Variants in MAP1LC3B2 observed in about 807,000 individuals in gnomAD.
The protein encoded by MAP1LC3B2 is microtubule-associated protein 1 light chain 3 beta 2.
For missense variants in MAP1LC3B2, 155 were observed against 154.6 expected, an observed-to-expected ratio of 1.00 and a Z score of -0.01; for synonymous variants, 62 against 57.8, an observed-to-expected ratio of 1.07 and a Z score of -0.33.
chr12:116,559,904 A>G (rs894373954), intron 1 of MAP1LC3B2: 4 of 152,030 alleles, frequency 2.6e-5, no homozygotes, highest in African/African-American at 9.7e-5. Context: ...CTTGACGGTT[A>G]CTGCTCCAGT....
intron 1 of MAP1LC3B2, chr12:116,560,191 T>TATATATATATACATATAC (rs1869219157): frequency 9.6e-4 from 1 of 1,038 alleles, no homozygotes; most frequent in African/African-American, 2.3e-3. Context: ...AGTTTGGCTA[T>TATATATATATACATATAC]ATATATATAT....
intron 1 of MAP1LC3B2, among the ~76,000 whole-genome samples, chr12:116,567,267 T>C (rs11068077): frequency 0.11 from 16,394 of 152,104 alleles, 1,002 homozygotes; most frequent in South Asian, 0.23. Context: ...ATGTTAGCTA[T>C]GTCCACCCTC....
At chr12:116,568,662 T>A (rs1480193204) in intron 1 of MAP1LC3B2, among the ~76,000 whole-genome samples, 1 of 152,098 alleles carries the variant, frequency 6.6e-6, no homozygotes, top group Non-Finnish European at 1.5e-5. Context: ...TTAGATAAAG[T>A]CATCAGGGTG....
chr12:116,567,768 AT>A (rs1351243990), intron 1 of MAP1LC3B2, among the ~76,000 whole-genome samples: 2 of 150,508 alleles, frequency 1.3e-5, no homozygotes, highest in African/African-American at 4.9e-5. Flanking sequence ...ATAAAAAAAT[AT>A]ATATATATAT....
intron 1 of MAP1LC3B2, among the ~76,000 whole-genome samples, chr12:116,567,448 C>CTTTTTTTT (rs35722581): frequency 7.8e-6 from 1 of 127,858 alleles, no homozygotes; most frequent in Non-Finnish European, 1.6e-5. Flanking sequence ...CTTTGCAAAT[C>CTTTTTTTT]TTTTTTTTTT....
chr12:116,570,711 C>T (rs750632274), intron 1 of MAP1LC3B2, among the ~76,000 whole-genome samples: 1 of 152,152 alleles, frequency 6.6e-6, no homozygotes, highest in Admixed American at 6.6e-5. Flanking sequence ...CCACGTGGAA[C>T]CTCTTTTCTT....
intron 1 of MAP1LC3B2, among the ~76,000 whole-genome samples, chr12:116,571,458 C>CTTTTTTTTTTTTTTTTT (rs71095564): frequency 6.2e-5 from 3 of 48,110 alleles, no homozygotes; most frequent in Admixed American, 4.0e-4. Flanking sequence ...GACTGCTGTT[C>CTTTTTTTTTTTTTTTTT]TTTTTTTTTT....
intron 1 of MAP1LC3B2, chr12:116,560,187 G>GATAT (rs1869216084): frequency 1.2e-5 from 1 of 81,508 alleles, no homozygotes; most frequent in Non-Finnish European, 2.5e-5. Flanking sequence ...GCTAAGTTTG[G>GATAT]CTATATATAT....
intron 1 of MAP1LC3B2, among the ~76,000 whole-genome samples, chr12:116,574,477 C>CAAAAAAT (rs531412562): frequency 2.1e-4 from 32 of 151,768 alleles, no homozygotes; most frequent in Non-Finnish European, 4.1e-4. Flanking sequence ...TCCACTTCTA[C>CAAAAAAT]AAAAAATAAA....
intron 1 of MAP1LC3B2, among the ~76,000 whole-genome samples, chr12:116,568,234 T>C (rs1218132607): frequency 6.6e-6 from 1 of 152,180 alleles, no homozygotes. Context: ...TAACAGGCCC[T>C]TTTCTCAAAA....
chr12:116,559,765 T>C (rs1437306409), intron 1 of MAP1LC3B2: 1 of 152,338 alleles, frequency 6.6e-6, no homozygotes, highest in East Asian at 1.9e-4. Flanking sequence ...TCCAGCATAC[T>C]GGTCCAAGTA....
In MAP1LC3B2 at chr12:116,569,851, C is replaced by T. The variant is rs187718348; in HGVS notation, c.-101-5991C>T. Among the ~76,000 whole-genome samples, 505 of 152,116 alleles carry T rather than the reference C, an allele frequency of 3.3e-3. 1 individual carries two copies. The highest frequency in any genetic ancestry group is 0.012 in the African/African-American group (483 of 41,498). ...TGGGCAGATCACAAGGTCAAGAGAT[C>T]GAGACCATCCTGGCCAACATGGTGA... On this transcript the variant is annotated intron_variant, in intron 1 of 1. Coordinates refer to ENST00000556529, the MANE Select transcript of MAP1LC3B2 (RefSeq NM_001085481.3).
chr12:116,562,642 T>G (rs1869300644), intron 1 of MAP1LC3B2, among the ~76,000 whole-genome samples: 1 of 152,228 alleles, frequency 6.6e-6, no homozygotes, highest in Non-Finnish European at 1.5e-5. Flanking sequence ...AACTTTCAAA[T>G]GTATAGCTGA....
At chr12:116,568,009 G>A (rs554524948) in intron 1 of MAP1LC3B2, among the ~76,000 whole-genome samples, 1 of 152,306 alleles carries the variant, frequency 6.6e-6, no homozygotes, top group East Asian at 1.9e-4. Flanking sequence ...TAGGTGTTCA[G>A]TAAATTATTT....
At chr12:116,565,798 T>C (rs113762631) in intron 1 of MAP1LC3B2, among the ~76,000 whole-genome samples, 9 of 152,262 alleles carry the variant, frequency 5.9e-5, no homozygotes, top group African/African-American at 2.2e-4. Context: ...AAAGCAAAAC[T>C]GGGTTGCTCC....
At chr12:116,568,945 C>T (rs556552736) in intron 1 of MAP1LC3B2, among the ~76,000 whole-genome samples, 3 of 149,892 alleles carry the variant, frequency 2.0e-5, no homozygotes, top group East Asian at 3.9e-4. Flanking sequence ...CTGCAAGCTT[C>T]GCCTCCTGGG....
chr12:116,571,046 G>A (rs975959731), intron 1 of MAP1LC3B2, among the ~76,000 whole-genome samples: 5 of 152,132 alleles, frequency 3.3e-5, no homozygotes, highest in African/African-American at 9.7e-5. Flanking sequence ...GTTAAGGGAG[G>A]TTCAATACAA....
At chr12:116,574,576 G>A (rs981242190) in intron 1 of MAP1LC3B2, among the ~76,000 whole-genome samples, 1 of 151,994 alleles carries the variant, frequency 6.6e-6, no homozygotes, top group African/African-American at 2.4e-5. Context: ...AGTCCAGGAG[G>A]TCAAGGTTGC....
chr12:116,567,609 G>A (rs1869422553), intron 1 of MAP1LC3B2, among the ~76,000 whole-genome samples: 1 of 151,952 alleles, frequency 6.6e-6, no homozygotes, highest in Admixed American at 6.6e-5. Context: ...TCAGCCAGGT[G>A]TGGTGGCACA....
Sources: allele counts gnomAD v4.1 joint callset (sites outside exome capture counted in the v4.1 genomes callset), GRCh38; gene constraint gnomAD v4.1.1; transcripts MANE v1.5; gene names NCBI Gene and HGNC (gene_info 2026-07-23, HGNC 2026-07-21).